Variants in ZNF410 observed in about 807,000 individuals in gnomAD.
The protein encoded by ZNF410 is another partner for ARF 1.
In ZNF410, 18 loss-of-function variants were observed where a neutral mutation model predicts 54.8. The ratio of observed to expected loss-of-function variants is 0.33; its 90% confidence interval spans 0.23 to 0.49. The LOEUF (loss-of-function observed/expected upper bound fraction) is 0.49. Ranked by LOEUF, ZNF410 falls within the 20% of genes least tolerant of loss-of-function variation. The pLI is 0.99. For missense variants in ZNF410, 405 were observed against 569.6 expected (o/e 0.71, Z 2.94); for synonymous variants, 191 against 207.3 (o/e 0.92, Z 0.68).
chr14:73,929,331 T>C (rs1043666498), intron 11 of ZNF410, among the ~76,000 whole-genome samples: 1 of 152,106 alleles, frequency 6.6e-6, no homozygotes, highest in Non-Finnish European at 1.5e-5. Context: ...GTCTAGGTAA[T>C]AACTTGCTAT....
rs887746806 is a variant in ZNF410, at chr14:73,896,597, TTTAAC to T, written c.388+67_388+71del. ...AGAAAAAAATTAGGGGTGGGGCATA[TTTAAC>T]TTAGTCATACTTAAAATAGAAAGAA... On this transcript the variant is annotated intron_variant, in intron 4 of 11. Transcript: ENST00000555044. The T allele has an allele frequency of 7.1e-5, 91 of 1,275,330 alleles. No individual in the cohort carries two copies. The African/African-American group carries it at 1.2e-3, about 17-fold the overall frequency. The allele number at this position is 1,275,330 out of a possible 1,614,324, so 79.0% of individuals were successfully genotyped here.
chr14:73,910,375 A>G (rs904460622), intron 8 of ZNF410, among the ~76,000 whole-genome samples: 3 of 152,172 alleles, frequency 2.0e-5, no homozygotes, highest in Non-Finnish European at 4.4e-5. Flanking sequence ...AACTCCACAA[A>G]TGATTGGCTG....
chr14:73,903,198 G>A (rs7157998), intron 5 of ZNF410, among the ~76,000 whole-genome samples: 51,123 of 151,692 alleles, frequency 0.34, 9,702 homozygotes, highest in Non-Finnish European at 0.42. Context: ...GTGCAATCTC[G>A]GCTCACTGCA....
chr14:73,924,586 T>G (rs970150925), intron 11 of ZNF410: 1 of 392,440 alleles, frequency 2.5e-6, no homozygotes, highest in Admixed American at 3.2e-5. Flanking sequence ...GCACATTTCA[T>G]ATGCATAAAC....
chr14:73,931,212 C>T (rs532053028), intron 11 of ZNF410, among the ~76,000 whole-genome samples: 2 of 152,228 alleles, frequency 1.3e-5, no homozygotes, highest in East Asian at 3.9e-4. Flanking sequence ...TTAGAGATTC[C>T]TCTGTCACTG....
chr14:73,922,348 G>T, intron 10 of ZNF410, 142 bp downstream of exon 10: 1 of 861,518 alleles, frequency 1.2e-6, no homozygotes. Flanking sequence ...CTTATTCTCT[G>T]GGGTGGATTA....
Position 73,892,040 on chromosome 14 carries a change from C to G in ZNF410, c.-136C>G, listed in dbSNP as rs752023691. ...CCCCTATTCTAGGTTACATTGATTA[C>G]CCACCTAGTACAACATCTTACGGGA... On this transcript the variant is annotated 5_prime_UTR_variant, in exon 2 of 12. Coordinates refer to ENST00000555044, the MANE Select transcript of ZNF410 (RefSeq NM_021188.3). The G allele has an allele frequency of 1.0e-6, 1 of 986,060 alleles. No individual in the cohort carries two copies. Among genetic ancestry groups the G allele is most frequent in the African/African-American group, 1.6e-5 (1 of 62,822 alleles). The allele number at this position is 986,060 out of a possible 1,614,324, so 61.1% of individuals were successfully genotyped here.
At chr14:73,893,095 T>C (rs56303770) in intron 2 of ZNF410, among the ~76,000 whole-genome samples, 46,398 of 151,858 alleles carry the variant, frequency 0.31, 9,025 homozygotes, top group Non-Finnish European at 0.42. Context: ...AAAAAATACA[T>C]CTTAAATCTT....
At chr14:73,927,848 TAA>T (rs769806277) in intron 11 of ZNF410, 10,477 of 146,212 alleles carry the variant, frequency 0.072, 766 homozygotes, top group East Asian at 0.42. Flanking sequence ...TTTTTTTTTT[TAA>T]TTTTTTAGAC....
chr14:73,892,886 C>T (rs571251276), intron 2 of ZNF410, among the ~76,000 whole-genome samples: 2 of 152,280 alleles, frequency 1.3e-5, no homozygotes, highest in South Asian at 2.1e-4. Context: ...CAAGACCATC[C>T]TGCCTAACAT....
rs1391360401 is a variant in ZNF410, at chr14:73,898,183, G to A, written c.501G>A (p.Arg167=). The A allele has an allele frequency of 1.9e-6, 3 of 1,613,984 alleles. No individual in the cohort carries two copies. Among genetic ancestry groups the A allele is most frequent in the Non-Finnish European group, 2.5e-6 (3 of 1,180,042 alleles). Residue 167 remains arginine, a synonymous_variant, in exon 5 of 12, where the codon CGG becomes CGA. Transcript: ENST00000555044. ...ACAGTAGCATTCCATGGTTCCTCCG[G>A]GTTCAGGAGTTGGCCCATGACAGTT... The part of the protein sequence containing the change: ...STDSSIPWFL[R]VQELAHDSLI...
At chr14:73,892,477 T>G (rs2055246286) in intron 2 of ZNF410, among the ~76,000 whole-genome samples, 1 of 151,752 alleles carries the variant, frequency 6.6e-6, no homozygotes, top group South Asian at 2.1e-4. Flanking sequence ...TATATGTTTA[T>G]GTATAAATAT....
chr14:73,930,414 C>T (rs1395155609), intron 11 of ZNF410, among the ~76,000 whole-genome samples: 2 of 152,208 alleles, frequency 1.3e-5, no homozygotes, highest in African/African-American at 4.8e-5. Flanking sequence ...CCTCCTCCCT[C>T]AGCCTCCCAA....
Position 73,905,991 on chromosome 14 carries a change from A to ATATATATATATATG in ZNF410, c.913+912_913+913insTATATATATGTATA, listed in dbSNP as rs1491231212. ...CACATATATATATATATATATATAT[A>ATATATATATATATG]TATACACACATACTTTTTTTTTTTT... On this transcript the variant is annotated intron_variant, in intron 7 of 11. Coordinates refer to ENST00000555044, the MANE Select transcript of ZNF410 (RefSeq NM_021188.3). Among the ~76,000 whole-genome samples the ATATATATATATATG allele has an allele frequency of 3.1e-3, 443 of 141,648 alleles. 3 individuals carry two copies. The highest frequency in any genetic ancestry group is 0.01 in the African/African-American group (367 of 36,068). The allele number at this position is 141,648 out of a possible 152,430, so 92.9% of individuals were successfully genotyped here.
intron 8 of ZNF410, among the ~76,000 whole-genome samples, chr14:73,911,858 T>G (rs570243844): frequency 2.0e-5 from 3 of 152,150 alleles, no homozygotes; most frequent in African/African-American, 7.2e-5. Flanking sequence ...TGTTGTTGTT[T>G]GTTTGTTTTT....
At chr14:73,914,760 C>G (rs1436488138) in intron 8 of ZNF410, 2 of 150,888 alleles carry the variant, frequency 1.3e-5, no homozygotes, top group African/African-American at 4.9e-5. Context: ...TCCTGAGAAG[C>G]TGGGATTACA....
intron 7 of ZNF410, among the ~76,000 whole-genome samples, chr14:73,908,535 A>G (rs1200423833): frequency 6.6e-6 from 1 of 152,166 alleles, no homozygotes; most frequent in Non-Finnish European, 1.5e-5. Flanking sequence ...GTACAGTCTA[A>G]AAGAATAGTA....
At chr14:73,930,235 C>G (rs896740613) in intron 11 of ZNF410, among the ~76,000 whole-genome samples, 1 of 152,228 alleles carries the variant, frequency 6.6e-6, no homozygotes, top group African/African-American at 2.4e-5. Context: ...TCCTGCCACA[C>G]AGCATCAAAT....
chr14:73,891,997 C>T, intron 1 of ZNF410, 30 bp from the exon 2 acceptor site: 2 of 700,284 alleles, frequency 2.9e-6, no homozygotes, highest in Non-Finnish European at 5.2e-6. Context: ...GCTCTTAATG[C>T]CCCCTCTCTC....
Sources: allele counts gnomAD v4.1 joint callset (sites outside exome capture counted in the v4.1 genomes callset), GRCh38; gene constraint gnomAD v4.1.1; transcripts MANE v1.5; gene names NCBI Gene and HGNC (gene_info 2026-07-23, HGNC 2026-07-21).